RYR2: variants seen among roughly 807,000 people sequenced by gnomAD.
The protein encoded by RYR2 is cardiac muscle ryanodine receptor-calcium release channel.
A neutral mutation model predicts 601.1 loss-of-function variants in RYR2; 227 were observed. That is an observed-to-expected ratio of 0.38 (90% CI 0.34 to 0.42). The LOEUF (loss-of-function observed/expected upper bound fraction) is 0.42, where lower values mean the gene tolerates loss of function less well. RYR2 is among the 10% of genes least tolerant of loss of function. The pLI, the probability that RYR2 is intolerant of heterozygous loss-of-function variation, is 1.00. For missense variants in RYR2, 4,646 were observed against 6,156.5 expected, an observed-to-expected ratio of 0.75 and a Z score of 8.21; for synonymous variants, 2,223 against 2,175.1, an observed-to-expected ratio of 1.02 and a Z score of -0.61.
At chr1:237,795,873 T>TACACAC (rs57000176) in intron 96 of RYR2, among the ~76,000 whole-genome samples, 2 of 140,890 alleles carry the variant, frequency 1.4e-5, no homozygotes, top group African/African-American at 5.4e-5. Context: ...TATATATATA[T>TACACAC]ACACATATAT....
intron 27 of RYR2, among the ~76,000 whole-genome samples, chr1:237,559,004 T>C (rs1272207914): frequency 1.3e-5 from 2 of 151,768 alleles, no homozygotes; most frequent in Non-Finnish European, 2.9e-5. Flanking sequence ...GTACTTTTTT[T>C]TTTTTTTGAG....
chr1:237,203,265 G>A (rs866712409), intron 1 of RYR2, among the ~76,000 whole-genome samples: 1 of 152,180 alleles, frequency 6.6e-6, no homozygotes, highest in Non-Finnish European at 1.5e-5. Context: ...GTTAATACAG[G>A]TAGGTTACTT....
chr1:237,617,775 G>T (rs1678634304), intron 38 of RYR2, among the ~76,000 whole-genome samples: 1 of 152,110 alleles, frequency 6.6e-6, no homozygotes, highest in Non-Finnish European at 1.5e-5. Context: ...ACCACAAATG[G>T]GTCTTCATCA....
intron 1 of RYR2, among the ~76,000 whole-genome samples, chr1:237,120,496 ATC>A (rs1321111755): frequency 6.6e-6 from 1 of 152,186 alleles, no homozygotes; most frequent in African/African-American, 2.4e-5. Flanking sequence ...TTTCTAAGTG[ATC>A]AATAAATGGT....
chr1:237,722,994 T>C (rs2149124783), intron 73 of RYR2, 134 bp from the exon 74 acceptor site: 1 of 676,212 alleles, frequency 1.5e-6, no homozygotes, highest in South Asian at 2.3e-5. Flanking sequence ...TAACTGCAGC[T>C]GCGCGTCATG....
intron 48 of RYR2, among the ~76,000 whole-genome samples, chr1:237,647,596 A>C (rs1377186289): frequency 3.9e-5 from 6 of 152,170 alleles, no homozygotes; most frequent in Non-Finnish European, 8.8e-5. Context: ...TTTATTCATC[A>C]GTTTATTCAG....
chr1:237,101,280 G>T (rs1668062744), intron 1 of RYR2, among the ~76,000 whole-genome samples: 1 of 128,934 alleles, frequency 7.8e-6, no homozygotes. Flanking sequence ...CCAGATTTCA[G>T]TCACTACTTT....
chr1:237,782,200 T>C (rs1009751429), intron 89 of RYR2, among the ~76,000 whole-genome samples: 3 of 140,114 alleles, frequency 2.1e-5, no homozygotes, highest in African/African-American at 7.8e-5. Flanking sequence ...TTTTTTTTCC[T>C]GTAGCAGGCA....
chr1:237,361,784 C>T (rs932938036), intron 4 of RYR2, among the ~76,000 whole-genome samples: 1 of 152,154 alleles, frequency 6.6e-6, no homozygotes, highest in African/African-American at 2.4e-5. Flanking sequence ...GCTACATTAC[C>T]TGAATTATTG....
intron 1 of RYR2, among the ~76,000 whole-genome samples, chr1:237,057,478 C>A (rs1662315174): frequency 6.6e-6 from 1 of 152,166 alleles, no homozygotes; most frequent in South Asian, 2.1e-4. Flanking sequence ...AGCCACCGCG[C>A]CTGGCCCTGA....
intron 32 of RYR2, among the ~76,000 whole-genome samples, chr1:237,592,759 G>A (rs561546852): frequency 3.6e-4 from 54 of 151,770 alleles, no homozygotes; most frequent in East Asian, 2.1e-3. Context: ...GGTGACTCGC[G>A]CCTGTAATCC....
chr1:237,828,155 A>T (rs1204645358), intron 101 of RYR2, among the ~76,000 whole-genome samples: 3 of 151,778 alleles, frequency 2.0e-5, no homozygotes, highest in Admixed American at 2.0e-4. Context: ...ATTTTAAAAC[A>T]CTCTTTTCAG....
At chr1:237,169,658 G>C (rs1324748198) in intron 1 of RYR2, among the ~76,000 whole-genome samples, 1 of 152,086 alleles carries the variant, frequency 6.6e-6, no homozygotes, top group African/African-American at 2.4e-5. Flanking sequence ...AAATACGGCT[G>C]AAATTTTACA....
chr1:237,319,277 C>T (rs1023992587), intron 2 of RYR2, among the ~76,000 whole-genome samples: 1 of 152,082 alleles, frequency 6.6e-6, no homozygotes, highest in African/African-American at 2.4e-5. Flanking sequence ...GAAGCCTTTA[C>T]CTGCTAAATG....
chr1:237,069,192 T>C (rs1030042369), intron 1 of RYR2, among the ~76,000 whole-genome samples: 1 of 152,134 alleles, frequency 6.6e-6, no homozygotes, highest in African/African-American at 2.4e-5. Flanking sequence ...GCTTATCCCA[T>C]TTATATGTTG....
chr1:237,749,164 AT>A (rs934281265), intron 80 of RYR2, among the ~76,000 whole-genome samples: 13 of 152,338 alleles, frequency 8.5e-5, no homozygotes, highest in African/African-American at 3.1e-4. Flanking sequence ...CATTTAAAAA[AT>A]AATCTCAGTT....
chr1:237,542,294 T>C (rs1009896323), intron 25 of RYR2, among the ~76,000 whole-genome samples: 2 of 152,002 alleles, frequency 1.3e-5, no homozygotes, highest in Admixed American at 1.3e-4. Flanking sequence ...GGTTTCTCCA[T>C]GTTGGTCAGG....
At chr1:237,057,702 A>G (rs992586330) in intron 1 of RYR2, among the ~76,000 whole-genome samples, 2 of 152,110 alleles carry the variant, frequency 1.3e-5, no homozygotes, top group African/African-American at 4.8e-5. Flanking sequence ...TTTCTCATGA[A>G]AGAGACCATA....
chr1:237,318,427 A>T (rs74650373), intron 2 of RYR2, among the ~76,000 whole-genome samples: 15 of 151,996 alleles, frequency 9.9e-5, no homozygotes, highest in African/African-American at 3.1e-4. Context: ...TAATCCACAC[A>T]TTTTCAATTT....
Sources: allele counts gnomAD v4.1 joint callset (sites outside exome capture counted in the v4.1 genomes callset), GRCh38; gene constraint gnomAD v4.1.1; transcripts MANE v1.5; gene names NCBI Gene and HGNC (gene_info 2026-07-23, HGNC 2026-07-21).